The following COL6A6 variants were observed in gnomAD, a reference collection of about 807,000 sequenced individuals.
COL6A6 encodes the protein collagen alpha-6(VI) chain.
COL6A6 carries 183 observed loss-of-function variants against 208.6 expected under a neutral mutation model. The observed-to-expected ratio is 0.88, with a 90% CI of 0.78 to 0.99. The LOEUF (loss-of-function observed/expected upper bound fraction) is 0.99. Ranked by LOEUF, COL6A6 falls within the 50% of genes least tolerant of loss-of-function variation. COL6A6 has a pLI of 0.00. For missense variants in COL6A6, 2,816 were observed against 2,815.2 expected, an observed-to-expected ratio of 1.00 and a Z score of -0.01; for synonymous variants, 973 against 1,011.8, an observed-to-expected ratio of 0.96 and a Z score of 0.73.
chr3:130,616,552 G>T, intron 23 of COL6A6, among the ~76,000 whole-genome samples: 1 of 120,796 alleles, frequency 8.3e-6, no homozygotes, highest in African/African-American at 3.1e-5. Context: ...ATCAATGCCT[G>T]AAAAAAAAAA....
rs1182500737 is a variant in COL6A6, at chr3:130,563,672, T to TA, written c.661+9dup. The TA allele has an allele frequency of 6.4e-7, 1 of 1,568,878 alleles. No individual in the cohort carries two copies. On this transcript the variant is annotated intron_variant, in intron 3 of 36. Coordinates refer to ENST00000358511, the MANE Select transcript of COL6A6 (RefSeq NM_001102608.3). ...ATGACATCTTTGTAGAAGGTGGGCTTAGGATATGTGTATAGGAATGATGAT... is the reference window on the plus strand; with the variant it reads ...ATGACATCTTTGTAGAAGGTGGGCTTAAGGATATGTGTATAGGAATGATGAT...
In COL6A6 at chr3:130,574,445, T is replaced by G; in HGVS notation, c.3467T>G (p.Leu1156Arg). Residue 1156 changes from leucine (L) to arginine (R), a missense_variant, in exon 8 of 37, where the codon CTG (leucine) becomes CGG (arginine). Transcript: ENST00000358511. ...ATCACCGGGACTGCAGAGAAAAAAC[T>G]GACAGTGCACAACTTCGATGAACTG... ...IQITGTAEKK[L>R]TVHNFDELKK... 1 of 1,613,998 alleles carries G rather than the reference T, an allele frequency of 6.2e-7. No homozygotes were observed. Among genetic ancestry groups the G allele is most frequent in the Non-Finnish European group, 8.5e-7 (1 of 1,179,888 alleles).
intron 21 of COL6A6, among the ~76,000 whole-genome samples, 158 bp downstream of exon 21, chr3:130,607,124 A>G (rs993330716): frequency 3.9e-5 from 6 of 152,208 alleles, no homozygotes; most frequent in Non-Finnish European, 7.3e-5. Flanking sequence ...TTAAGAGTTC[A>G]TATTTTAAAA....
intron 33 of COL6A6, among the ~76,000 whole-genome samples, chr3:130,658,073 T>C (rs745361706): frequency 1.3e-5 from 2 of 152,178 alleles, no homozygotes; most frequent in East Asian, 1.9e-4. Context: ...GAGAGCTGCA[T>C]GGACGTAGAT....
intron 6 of COL6A6, 150 bp from the exon 7 acceptor site, chr3:130,570,668 G>A (rs2063140994): frequency 1.6e-6 from 1 of 626,214 alleles, no homozygotes; most frequent in Non-Finnish European, 2.8e-6. Flanking sequence ...CAATGTATGT[G>A]TATTGTCCTC....
At chr3:130,642,602 C>A (rs56100827) in intron 29 of COL6A6, among the ~76,000 whole-genome samples, 3 of 152,094 alleles carry the variant, frequency 2.0e-5, no homozygotes, top group Non-Finnish European at 4.4e-5. Context: ...CGGAGGAAAG[C>A]GGCCTCTCAA....
chr3:130,641,735 C>T (rs368359117), intron 29 of COL6A6, 21 bp downstream of exon 29: 1 of 1,457,498 alleles, frequency 6.9e-7, no homozygotes, highest in African/African-American at 1.4e-5. Flanking sequence ...AAACTATAAA[C>T]CACAGCAGGT....
chr3:130,634,143 T>G (rs1576362967), intron 26 of COL6A6, among the ~76,000 whole-genome samples: 1 of 102,786 alleles, frequency 9.7e-6, no homozygotes, highest in East Asian at 2.5e-4. Flanking sequence ...TTACTTTCCT[T>G]TGTCAAATCC....
In COL6A6 at chr3:130,562,995, A is replaced by G; in HGVS notation, c.65-73A>G. ...ATAAAAAGGAAAGTACTTCCCCGCCATAGAGTTGGCATTAAATATGGCAGT... is the reference window on the plus strand; with the variant it reads ...ATAAAAAGGAAAGTACTTCCCCGCCGTAGAGTTGGCATTAAATATGGCAGT... On this transcript the variant is annotated intron_variant, in intron 2 of 36. Coordinates refer to ENST00000358511, the MANE Select transcript of COL6A6 (RefSeq NM_001102608.3). 4 of 1,089,494 alleles carry G rather than the reference A, an allele frequency of 3.7e-6. No individual in the cohort carries two copies. The South Asian group carries it at 5.0e-5, about 14-fold the overall frequency. 67.5% of individuals were successfully genotyped at this position (1,089,494 alleles called of 1,614,324 possible).
chr3:130,573,522 A>T (rs2063215102), intron 7 of COL6A6, among the ~76,000 whole-genome samples: 1 of 151,584 alleles, frequency 6.6e-6, no homozygotes. Context: ...CTAGCATAAG[A>T]TAAGAAACCA....
chr3:130,634,234 T>TAAAAAAAAAAAA, intron 26 of COL6A6, among the ~76,000 whole-genome samples: 1 of 12,620 alleles, frequency 7.9e-5, no homozygotes, highest in East Asian at 1.3e-3. Flanking sequence ...AATAAATAAA[T>TAAAAAAAAAAAA]AAATAAATAA....
chr3:130,624,298 C>T (rs1030615358), intron 24 of COL6A6, among the ~76,000 whole-genome samples: 14 of 152,006 alleles, frequency 9.2e-5, no homozygotes, highest in African/African-American at 9.7e-5. Context: ...AGATGATTAA[C>T]GGAGAAATTT....
At chr3:130,631,259 T>C (rs1345912192) in intron 26 of COL6A6, among the ~76,000 whole-genome samples, 2 of 105,404 alleles carry the variant, frequency 1.9e-5, no homozygotes, top group African/African-American at 6.5e-5. Context: ...CATCAGAGAA[T>C]ACTACAAACA....
intron 27 of COL6A6, 64 bp from the exon 28 acceptor site, chr3:130,635,635 C>A: frequency 9.1e-7 from 1 of 1,104,414 alleles, no homozygotes; most frequent in Non-Finnish European, 1.3e-6. Context: ...TTTAAAGATG[C>A]AAATATGTTA....
chr3:130,563,256 A>G lies in COL6A6; in HGVS notation c.253A>G (p.Lys85Glu). 6.2e-7 allele frequency: 1 copy of G among 1,614,030 alleles called. No individual in the cohort carries two copies. The highest frequency in any genetic ancestry group is 2.2e-5 in the East Asian group (1 of 44,890). Residue 85 changes from lysine (K) to glutamate (E), a missense_variant, in exon 3 of 37, where the codon AAA becomes GAA. By Grantham distance (56) the Lys-to-Glu change is moderately conservative. Coordinates refer to ENST00000358511, the MANE Select transcript of COL6A6 (RefSeq NM_001102608.3). ...LHSEFHLSTF[K>E]GRSPMLNHLR... is the part of the protein sequence containing the mutation. ...CAGTGAATTCCACCTGAGCACCTTC[A>G]AAGGCAGGAGCCCCATGCTGAACCA...
At chr3:130,572,536 T>G (rs927446485) in intron 7 of COL6A6, among the ~76,000 whole-genome samples, 2 of 152,218 alleles carry the variant, frequency 1.3e-5, no homozygotes, top group Non-Finnish European at 2.9e-5. Context: ...GCTACTATCT[T>G]TTTCTTTCAC....
intron 35 of COL6A6, 101 bp downstream of exon 35, chr3:130,662,409 T>C: frequency 4.3e-6 from 5 of 1,175,628 alleles, no homozygotes; most frequent in Non-Finnish European, 6.0e-6. Flanking sequence ...ACCTCTTGTC[T>C]GTCTTCAAGG....
At chr3:130,590,810 GC>G (rs1461302413) in intron 12 of COL6A6, among the ~76,000 whole-genome samples, 1 of 151,550 alleles carries the variant, frequency 6.6e-6, no homozygotes, top group Non-Finnish European at 1.5e-5. Flanking sequence ...CTCTTGATCC[GC>G]CCGCCTGGGC....
At chr3:130,570,779 G>A in intron 6 of COL6A6, 39 bp from the exon 7 acceptor site, 2 of 1,523,712 alleles carry the variant, frequency 1.3e-6, no homozygotes, top group Non-Finnish European at 1.8e-6. Flanking sequence ...GCTGTCCAAA[G>A]CTAATCTCAT....
Sources: gnomAD v4.1 joint callset for allele counts (sites outside exome capture counted in the v4.1 genomes callset) on GRCh38, gnomAD v4.1.1 for gene constraint, MANE v1.5 for transcripts, NCBI Gene and HGNC (gene_info 2026-07-23, HGNC 2026-07-21) for gene names.